PRIM2: variants seen among roughly 807,000 people sequenced by gnomAD.
PRIM2 encodes the protein DNA primase large subunit.
PRIM2 carries 39 observed loss-of-function variants against 67.3 expected under a neutral mutation model. The observed-to-expected ratio is 0.58, with a 90% CI of 0.45 to 0.76. The LOEUF is 0.76. Ranked by LOEUF, PRIM2 falls within the 30% of genes least tolerant of loss-of-function variation. PRIM2 has a pLI of 0.00. For missense variants in PRIM2, 398 were observed against 598.7 expected (o/e 0.66, Z 3.50); for synonymous variants, 143 against 198.7 (o/e 0.72, Z 2.36).
In PRIM2 at chr6:57,540,846, G is replaced by A. The variant is rs1276737451; in HGVS notation, c.1020+3221G>A. 6.0e-3 allele frequency among the ~76,000 whole-genome samples: 910 copies of A among 152,316 alleles called. 3 individuals are homozygous for A. The highest frequency in any genetic ancestry group is 8.9e-3 in the Non-Finnish European group (604 of 68,030). On this transcript the variant is annotated intron_variant, in intron 10 of 13. Coordinates refer to ENST00000615550, the MANE Select transcript of PRIM2 (RefSeq NM_000947.5). Reference sequence around the variant, plus strand: ...TTAATAGCCCCACCCTGTTGCTACTGTGGTGAGCCTATAAGTGTTGCAAGT... The same window carrying A: ...TTAATAGCCCCACCCTGTTGCTACTATGGTGAGCCTATAAGTGTTGCAAGT...
At chr6:57,474,540 C>G (rs1435476595) in intron 7 of PRIM2, among the ~76,000 whole-genome samples, 1 of 151,944 alleles carries the variant, frequency 6.6e-6, no homozygotes, top group Non-Finnish European at 1.5e-5. Context: ...AGGTGTATAC[C>G]TGCCATTTTA....
At chr6:57,322,785 A>G (rs537769207) in intron 3 of PRIM2, among the ~76,000 whole-genome samples, 3 of 152,316 alleles carry the variant, frequency 2.0e-5, no homozygotes, top group African/African-American at 7.2e-5. Flanking sequence ...AGGCAACACA[A>G]CATGTGTATG....
chr6:57,574,250 A>G (rs1232757192), intron 10 of PRIM2, among the ~76,000 whole-genome samples: 17 of 152,226 alleles, frequency 1.1e-4, no homozygotes, highest in Middle Eastern at 3.2e-3. Flanking sequence ...CTTCATTTAC[A>G]TAGGGTGTAA....
At chr6:57,535,866 A>G (rs1434083177) in intron 9 of PRIM2, among the ~76,000 whole-genome samples, 73 of 152,330 alleles carry the variant, frequency 4.8e-4, no homozygotes, top group African/African-American at 1.7e-3. Flanking sequence ...TTCCATCTCA[A>G]AAAAATAAAA....
At chr6:57,256,149 C>A in the PRIM2 span, among the ~76,000 whole-genome samples, 1 of 152,090 alleles carries the variant, frequency 6.6e-6, no homozygotes, top group Non-Finnish European at 1.5e-5. Context: ...GTACCCACAC[C>A]TTTTGTAATG....
At chr6:57,389,183 T>C (rs1448608941) in intron 7 of PRIM2, among the ~76,000 whole-genome samples, 2 of 152,184 alleles carry the variant, frequency 1.3e-5, no homozygotes. Context: ...CAACTCACCA[T>C]GGCCTTGACC....
At chr6:57,481,851 T>C (rs1328826249) in intron 7 of PRIM2, among the ~76,000 whole-genome samples, 4 of 152,230 alleles carry the variant, frequency 2.6e-5, no homozygotes, top group African/African-American at 9.6e-5. Context: ...TGGCTAATGA[T>C]GTTGAACTTT....
At chr6:57,468,113 C>T (rs1773248801) in intron 7 of PRIM2, among the ~76,000 whole-genome samples, 1 of 152,190 alleles carries the variant, frequency 6.6e-6, no homozygotes, top group African/African-American at 2.4e-5. Context: ...ATTTGAATAC[C>T]CTTTATTTCT....
intron 7 of PRIM2, among the ~76,000 whole-genome samples, chr6:57,443,857 T>C (rs1772279134): frequency 6.6e-6 from 1 of 152,126 alleles, no homozygotes; most frequent in Non-Finnish European, 1.5e-5. Context: ...TGTCATGTAG[T>C]TTTTCCCATA....
At chr6:57,237,557 T>C in the PRIM2 span, among the ~76,000 whole-genome samples, 1 of 152,226 alleles carries the variant, frequency 6.6e-6, no homozygotes, top group Non-Finnish European at 1.5e-5. Flanking sequence ...AGGTCTAACA[T>C]GTAAGTCTTT....
At chr6:57,303,994 A>G in the PRIM2 span, among the ~76,000 whole-genome samples, 2 of 152,212 alleles carry the variant, frequency 1.3e-5, no homozygotes, top group African/African-American at 2.4e-5. Flanking sequence ...ATAATGATGC[A>G]GGATGATGGT....
chr6:57,587,529 T>A (rs1189830421), intron 10 of PRIM2, among the ~76,000 whole-genome samples: 1 of 151,788 alleles, frequency 6.6e-6, no homozygotes, highest in Non-Finnish European at 1.5e-5. Context: ...CTGGGCGTGG[T>A]GGCGGATGCC....
rs1374548351 is a variant in PRIM2, at chr6:57,457,398, G to GAGGC, written c.694-49980_694-49977dup. 2.6e-5 allele frequency among the ~76,000 whole-genome samples: 4 copies of GAGGC among 152,236 alleles called. No individual in the cohort carries two copies. The East Asian group carries it at 7.7e-4, about 29-fold the overall frequency. On this transcript the variant is annotated intron_variant, in intron 7 of 13. Transcript: ENST00000615550. ...CCTGCCTCCAGAGGTGGAGTCTGCA[G>GAGGC]AGGCAGGCAGGCCTCCTTGAGCTGT...
intron 11 of PRIM2, among the ~76,000 whole-genome samples, chr6:57,603,992 T>C (rs1776518273): frequency 1.3e-5 from 2 of 152,128 alleles, no homozygotes; most frequent in South Asian, 2.1e-4. Flanking sequence ...AGCTTGAACA[T>C]TGTTGGTATG....
chr6:57,468,137 T>C lies in PRIM2; in HGVS notation c.694-39250T>C, dbSNP rs1264673477. Among the ~76,000 whole-genome samples the C allele has an allele frequency of 7.7e-4, 118 of 152,304 alleles. 1 individual carries two copies. The highest frequency in any genetic ancestry group is 2.2e-3 in the Admixed American group (33 of 15,300). Reference sequence around the variant, plus strand: ...CCCTTTATTTCTTTCTCTTGCCTGATTTCCCTAGCCAAAACTTCCAATACT... The same window carrying C: ...CCCTTTATTTCTTTCTCTTGCCTGACTTCCCTAGCCAAAACTTCCAATACT... On this transcript the variant is annotated intron_variant, in intron 7 of 13. Transcript: ENST00000615550.
chr6:57,364,474 C>T (rs1352906912), intron 5 of PRIM2, among the ~76,000 whole-genome samples: 1 of 152,178 alleles, frequency 6.6e-6, no homozygotes, highest in Non-Finnish European at 1.5e-5. Flanking sequence ...GGCCCATCCA[C>T]ACCATATATA....
chr6:57,572,299 A>G (rs1775877472), intron 10 of PRIM2, among the ~76,000 whole-genome samples: 1 of 152,182 alleles, frequency 6.6e-6, no homozygotes, highest in African/African-American at 2.4e-5. Flanking sequence ...GCGGCAGCCA[A>G]AACCATGGAA....
At chr6:57,641,437 T>C (rs1227731521) in intron 13 of PRIM2, among the ~76,000 whole-genome samples, 1 of 152,118 alleles carries the variant, frequency 6.6e-6, no homozygotes, top group Non-Finnish European at 1.5e-5. Flanking sequence ...GAAACTATCA[T>C]CAGAGTGAAC....
rs568908107 is a variant in PRIM2, at chr6:57,379,962, G to A, written c.521G>A (p.Ser174Asn). 1.1e-5 allele frequency: 17 copies of A among 1,557,474 alleles called. No individual in the cohort carries two copies. In the South Asian group the frequency reaches 1.7e-4, roughly 15 times the overall value. Residue 174 changes from serine (S) to asparagine (N), a missense_variant, in exon 6 of 14, where the codon AGT (serine) becomes AAT (asparagine). Physicochemically the swap from Ser to Asn is conservative, Grantham distance 46. Around this residue, in one of 4 missense-constraint regions of PRIM2, gnomAD observed 229 missense variants for 383.6 expected, o/e 0.60. Coordinates refer to ENST00000615550, the MANE Select transcript of PRIM2 (RefSeq NM_000947.5). ...ATTGTTGCCTCATCACCAAGTTTAAGTGGACTTAAGTTGGGGTTCGAGTCC... is the reference window on the plus strand; with the variant it reads ...ATTGTTGCCTCATCACCAAGTTTAAATGGACTTAAGTTGGGGTTCGAGTCC... The part of the protein sequence containing the change: ...QEIVASSPSL[S>N]GLKLGFESIY...
Sources: gnomAD v4.1 joint callset for allele counts (sites outside exome capture counted in the v4.1 genomes callset) on GRCh38, gnomAD v4.1.1 for gene constraint, gnomAD v4.1.1 regional missense constraint, MANE v1.5 for transcripts, NCBI Gene and HGNC (gene_info 2026-07-23, HGNC 2026-07-21) for gene names.